SLC44A5: variants seen among roughly 807,000 people sequenced by gnomAD.
SLC44A5 encodes solute carrier family 44 member 5.
SLC44A5 carries 57 observed loss-of-function variants against 101.8 expected under a neutral mutation model. The observed-to-expected ratio is 0.56, with a 90% CI of 0.45 to 0.70. The LOEUF (loss-of-function observed/expected upper bound fraction) is 0.70, where lower values mean the gene tolerates loss of function less well. SLC44A5 is among the 30% of genes least tolerant of loss of function. SLC44A5 has a pLI of 0.00. For synonymous variants in SLC44A5, 281 were observed against 290.9 expected (o/e 0.97, Z 0.35); for missense variants, 737 against 853.1 (o/e 0.86, Z 1.70).
At chr1:75,651,630 G>T in the SLC44A5 span, among the ~76,000 whole-genome samples, 72,618 of 147,672 alleles carry the variant, frequency 0.49, 18,981 homozygotes, top group East Asian at 0.93. Context: ...CCGGGAGGTG[G>T]AGCTTGCAGT....
At chr1:75,280,896 TAC>T (rs139930947) in intron 5 of SLC44A5, among the ~76,000 whole-genome samples, 8,819 of 152,144 alleles carry the variant, frequency 0.058, 296 homozygotes, top group Middle Eastern at 0.13. Flanking sequence ...CTTTGTAAAT[TAC>T]ACAGTCTCAG....
At chr1:75,460,595 T>C (rs1250952828) in intron 2 of SLC44A5, among the ~76,000 whole-genome samples, 1 of 152,226 alleles carries the variant, frequency 6.6e-6, no homozygotes, top group Non-Finnish European at 1.5e-5. Flanking sequence ...TGGGTCTTTA[T>C]GCAGCTGTGG....
chr1:75,336,180 G>C (rs1657427468), intron 4 of SLC44A5, among the ~76,000 whole-genome samples: 1 of 152,056 alleles, frequency 6.6e-6, no homozygotes, highest in African/African-American at 2.4e-5. Context: ...TTTTGAGACA[G>C]AGTCTTTCTC....
chr1:75,267,368 T>A (rs1651084390), intron 6 of SLC44A5, among the ~76,000 whole-genome samples: 1 of 152,134 alleles, frequency 6.6e-6, no homozygotes, highest in Non-Finnish European at 1.5e-5. Flanking sequence ...ATGAAGACAA[T>A]CTATTGTCTC....
chr1:75,259,342 G>A (rs1327348634), intron 6 of SLC44A5, among the ~76,000 whole-genome samples: 1 of 152,136 alleles, frequency 6.6e-6, no homozygotes, highest in Non-Finnish European at 1.5e-5. Context: ...TAAATGACCT[G>A]ATGGAGCTGA....
the SLC44A5 span, among the ~76,000 whole-genome samples, chr1:75,651,454 T>C: frequency 6.6e-6 from 1 of 152,084 alleles, no homozygotes; most frequent in African/African-American, 2.4e-5. Flanking sequence ...ACTCGCACTC[T>C]GGGAGGCCAA....
intron 12 of SLC44A5, among the ~76,000 whole-genome samples, chr1:75,232,242 C>T (rs761085694): frequency 1.3e-5 from 2 of 151,980 alleles, no homozygotes; most frequent in Non-Finnish European, 2.9e-5. Context: ...CTCCTTTTTG[C>T]CATTGTCAAA....
chr1:75,591,397 G>C (rs1053701467), intron 1 of SLC44A5, among the ~76,000 whole-genome samples: 1 of 152,064 alleles, frequency 6.6e-6, no homozygotes, highest in African/African-American at 2.4e-5. Context: ...AACATAGAGT[G>C]GTTAAACCCA....
intron 4 of SLC44A5, among the ~76,000 whole-genome samples, chr1:75,325,771 TG>T: frequency 6.6e-6 from 1 of 151,960 alleles, no homozygotes; most frequent in East Asian, 1.9e-4. Flanking sequence ...TGTGTGTGTG[TG>T]TGTGTGTAGA....
intron 4 of SLC44A5, among the ~76,000 whole-genome samples, chr1:75,312,663 T>C (rs1655398368): frequency 6.7e-6 from 1 of 150,262 alleles, no homozygotes; most frequent in South Asian, 2.1e-4. Flanking sequence ...CTATTATATA[T>C]TAATATATAA....
chr1:75,244,425 T>C (rs1020398242), intron 7 of SLC44A5, among the ~76,000 whole-genome samples: 1 of 152,108 alleles, frequency 6.6e-6, no homozygotes, highest in African/African-American at 2.4e-5. Flanking sequence ...CTTCCTTTCC[T>C]AAATATGAAT....
chr1:75,443,604 G>C (rs1206319871), intron 2 of SLC44A5, among the ~76,000 whole-genome samples: 2 of 151,788 alleles, frequency 1.3e-5, no homozygotes, highest in Non-Finnish European at 2.9e-5. Flanking sequence ...TTTTTTTAAA[G>C]ACCTATATTA....
chr1:75,400,387 T>G (rs1363423897), intron 2 of SLC44A5, among the ~76,000 whole-genome samples: 5 of 152,192 alleles, frequency 3.3e-5, no homozygotes, highest in Admixed American at 3.3e-4. Context: ...TAATTAAAAA[T>G]AGTTACTTTG....
chr1:75,403,946 C>T (rs1412591876), intron 2 of SLC44A5, among the ~76,000 whole-genome samples: 6 of 151,916 alleles, frequency 3.9e-5, no homozygotes, highest in Admixed American at 1.3e-4. Flanking sequence ...GAACTAAGAA[C>T]CTTGCAAAAA....
At chr1:75,248,783 G>A (rs1278482253) in intron 7 of SLC44A5, among the ~76,000 whole-genome samples, 1 of 152,218 alleles carries the variant, frequency 6.6e-6, no homozygotes, top group East Asian at 1.9e-4. Context: ...CCTGGATTCA[G>A]GCATGGAGTA....
At chr1:75,292,726 T>C (rs1653661359) in intron 5 of SLC44A5, among the ~76,000 whole-genome samples, 1 of 152,224 alleles carries the variant, frequency 6.6e-6, no homozygotes, top group Non-Finnish European at 1.5e-5. Context: ...GGATACTCGC[T>C]GTTTTAAGCC....
chr1:75,707,814 TG>T, the SLC44A5 span, among the ~76,000 whole-genome samples: 4 of 152,032 alleles, frequency 2.6e-5, no homozygotes, highest in Non-Finnish European at 5.9e-5. Context: ...ATATCAAATT[TG>T]GATAAATTGA....
intron 2 of SLC44A5, among the ~76,000 whole-genome samples, chr1:75,471,537 G>A (rs1667112506): frequency 6.6e-6 from 1 of 152,010 alleles, no homozygotes; most frequent in Admixed American, 6.6e-5. Context: ...CATGGCAGGG[G>A]GAAAGCCCAT....
At chr1:75,380,918 C>T (rs1186858751) in intron 3 of SLC44A5, among the ~76,000 whole-genome samples, 1 of 82,448 alleles carries the variant, frequency 1.2e-5, no homozygotes, top group Non-Finnish European at 2.1e-5. Context: ...TATCGTTATC[C>T]TCCTATTTGC....
Sources: gnomAD v4.1 joint callset for allele counts (sites outside exome capture counted in the v4.1 genomes callset) on GRCh38, gnomAD v4.1.1 for gene constraint, MANE v1.5 for transcripts, NCBI Gene and HGNC (gene_info 2026-07-23, HGNC 2026-07-21) for gene names.